The following SLC39A11 variants were observed in gnomAD, a reference collection of about 807,000 sequenced individuals.
SLC39A11 encodes solute carrier family 39 member 11.
A neutral mutation model predicts 36.1 loss-of-function variants in SLC39A11; 33 were observed. That is an observed-to-expected ratio of 0.91 (90% CI 0.69 to 1.22). The LOEUF is 1.22. Among genes scored for constraint, SLC39A11 ranks in the 50% most tolerant of loss-of-function variants. SLC39A11 has a pLI of 0.00. For missense variants in SLC39A11, 432 were observed against 430.3 expected, an observed-to-expected ratio of 1.00 and a Z score of -0.03; for synonymous variants, 166 against 170.3, an observed-to-expected ratio of 0.97 and a Z score of 0.20.
chr17:72,847,423 A>T (rs932980281), intron 6 of SLC39A11, among the ~76,000 whole-genome samples: 2 of 137,448 alleles, frequency 1.5e-5, no homozygotes, highest in Admixed American at 7.4e-5. Flanking sequence ...AAAAAAAAAA[A>T]TTGGAAAACC....
chr17:73,052,156 G>C (rs928120832), intron 3 of SLC39A11, among the ~76,000 whole-genome samples: 4 of 144,134 alleles, frequency 2.8e-5, no homozygotes, highest in Non-Finnish European at 4.5e-5. Context: ...CAGTGTTGCT[G>C]ACAGAGACCA....
intron 4 of SLC39A11, among the ~76,000 whole-genome samples, chr17:73,000,027 C>T (rs1170760628): frequency 6.6e-6 from 1 of 152,124 alleles, no homozygotes; most frequent in East Asian, 1.9e-4. Flanking sequence ...CAGGCCTGAG[C>T]CACCACCACA....
intron 5 of SLC39A11, among the ~76,000 whole-genome samples, chr17:72,906,930 G>A (rs1018638031): frequency 1.2e-4 from 19 of 152,248 alleles, no homozygotes; most frequent in South Asian, 2.1e-4. Flanking sequence ...CTCTTGCACC[G>A]GAGATCAGGG....
intron 7 of SLC39A11, among the ~76,000 whole-genome samples, chr17:72,687,018 T>C (rs898910037): frequency 6.6e-6 from 1 of 152,290 alleles, no homozygotes; most frequent in African/African-American, 2.4e-5. Flanking sequence ...TCCTTTTTTT[T>C]AAGTGTTTTA....
intron 4 of SLC39A11, among the ~76,000 whole-genome samples, chr17:72,989,806 C>T (rs933343047): frequency 6.6e-6 from 1 of 152,214 alleles, no homozygotes; most frequent in Admixed American, 6.5e-5. Flanking sequence ...CCCTGGTATA[C>T]CACTCTTCCA....
chr17:72,751,559 G>C (rs529367682), intron 6 of SLC39A11, among the ~76,000 whole-genome samples: 1 of 151,954 alleles, frequency 6.6e-6, no homozygotes, highest in Non-Finnish European at 1.5e-5. Context: ...TACAGCCATC[G>C]CCACCACCCA....
intron 3 of SLC39A11, among the ~76,000 whole-genome samples, chr17:73,042,961 C>G (rs1330259005): frequency 6.6e-6 from 1 of 152,112 alleles, no homozygotes; most frequent in East Asian, 1.9e-4. Flanking sequence ...TCTGCCAGAC[C>G]CCAGGGGGTT....
At chr17:73,070,755 T>C (rs899197324) in intron 3 of SLC39A11, among the ~76,000 whole-genome samples, 1 of 152,154 alleles carries the variant, frequency 6.6e-6, no homozygotes, top group Non-Finnish European at 1.5e-5. Flanking sequence ...GTAAGTCTCA[T>C]GAGATCTGAT....
chr17:72,889,441 GGAGGTGGAGGTTGCAGTGAGCT>G lies in SLC39A11; in HGVS notation c.431-39659_431-39638del, dbSNP rs574912689. Among the ~76,000 whole-genome samples, 25 of 151,232 alleles carry G rather than the reference GGAGGTGGAGGTTGCAGTGAGCT, an allele frequency of 1.7e-4. 1 individual carries two copies. Among genetic ancestry groups the G allele is most frequent in the Admixed American group, 2.6e-4 (4 of 15,196 alleles). On this transcript the variant is annotated intron_variant, in intron 5 of 9. Transcript: ENST00000255559. ...GAGGTAGGAGAATTGCTTGAACCTG[GGAGGTGGAGGTTGCAGTGAGCT>G]GAGGTGGAGGTTGCAGTGAGCTGAG...
At chr17:72,950,551 C>T (rs1471082037) in intron 4 of SLC39A11, among the ~76,000 whole-genome samples, 1 of 152,176 alleles carries the variant, frequency 6.6e-6, no homozygotes, top group East Asian at 1.9e-4. Context: ...CTGCTGACAT[C>T]CGAGGAATCA....
At chr17:72,953,214 T>C (rs2085993383) in intron 4 of SLC39A11, among the ~76,000 whole-genome samples, 1 of 151,970 alleles carries the variant, frequency 6.6e-6, no homozygotes, top group South Asian at 2.1e-4. Flanking sequence ...ATGATTCTTC[T>C]TCTTGGTGGG....
chr17:72,953,221 T>TG (rs1284070619), intron 4 of SLC39A11, among the ~76,000 whole-genome samples: 1 of 151,880 alleles, frequency 6.6e-6, no homozygotes, highest in South Asian at 2.1e-4. Context: ...TTCTTCTTGG[T>TG]GGGGGGCCAA....
At chr17:72,888,971 T>C (rs527804952) in intron 5 of SLC39A11, among the ~76,000 whole-genome samples, 4 of 152,092 alleles carry the variant, frequency 2.6e-5, no homozygotes, top group East Asian at 1.9e-4. Context: ...TGCAGAGACA[T>C]GGTGTGCAGA....
intron 6 of SLC39A11, among the ~76,000 whole-genome samples, chr17:72,798,296 T>C (rs2076962918): frequency 6.6e-6 from 1 of 152,038 alleles, no homozygotes; most frequent in Non-Finnish European, 1.5e-5. Context: ...GAGCTCAGTG[T>C]GCCAGCATGG....
rs1270676852 is a variant in SLC39A11 at position 73,033,374 on chromosome 17, GA to G, written c.148-1661del. On this transcript the variant is annotated intron_variant, in intron 3 of 9. Coordinates refer to ENST00000255559, the MANE Select transcript of SLC39A11 (RefSeq NM_139177.4). ...ATGACGGTAGAAACATGAAGGAGAA[GA>G]AAAAAAATTAGGCTAGTCTCAAATC... Among the ~76,000 whole-genome samples the G allele has an allele frequency of 1.3e-4, 20 of 152,026 alleles. No homozygotes were observed. The South Asian group carries it at 3.9e-3, about 30-fold the overall frequency.
At chr17:72,850,653 G>C (rs1203138560) in intron 5 of SLC39A11, among the ~76,000 whole-genome samples, 1 of 152,170 alleles carries the variant, frequency 6.6e-6, no homozygotes, top group Admixed American at 6.5e-5. Context: ...GGCCAGCTGT[G>C]TAGTGCCAAA....
At chr17:73,025,183 C>T (rs549148897) in intron 4 of SLC39A11, among the ~76,000 whole-genome samples, 2 of 152,234 alleles carry the variant, frequency 1.3e-5, no homozygotes, top group South Asian at 4.2e-4. Context: ...TGCCAGCCTC[C>T]CCCACCCTCC....
intron 6 of SLC39A11, among the ~76,000 whole-genome samples, chr17:72,781,412 GGTTT>G (rs1366797769): frequency 6.7e-6 from 1 of 150,354 alleles, no homozygotes; most frequent in African/African-American, 2.5e-5. Flanking sequence ...TGTTTCTTTT[GGTTT>G]TTTTTTTTTC....
chr17:72,781,972 C>A (rs529839415), intron 6 of SLC39A11, among the ~76,000 whole-genome samples: 94 of 152,180 alleles, frequency 6.2e-4, no homozygotes, highest in African/African-American at 2.0e-3. Flanking sequence ...CTGCCTCTCT[C>A]TATATATACA....
Sources: gnomAD v4.1 joint callset for allele counts (sites outside exome capture counted in the v4.1 genomes callset) on GRCh38, gnomAD v4.1.1 for gene constraint, MANE v1.5 for transcripts, NCBI Gene and HGNC (gene_info 2026-07-23, HGNC 2026-07-21) for gene names.